The following PTPRG variants were observed in gnomAD, a reference collection of about 807,000 sequenced individuals.
The protein encoded by PTPRG is receptor-type tyrosine-protein phosphatase gamma.
PTPRG carries 102 observed loss-of-function variants against 165.3 expected under a neutral mutation model. The ratio of observed to expected loss-of-function variants is 0.62; its 90% CI spans 0.53 to 0.73. The LOEUF (loss-of-function observed/expected upper bound fraction) is 0.73. Among genes scored for constraint, PTPRG ranks in the 30% least tolerant of loss-of-function variants. The pLI is 0.00. For synonymous variants in PTPRG, 675 were observed against 669.5 expected, an observed-to-expected ratio of 1.01 and a Z score of -0.13; for missense variants, 1,866 against 1,861.4, an observed-to-expected ratio of 1.00 and a Z score of -0.05.
At chr3:61,816,786 T>A (rs2035775803) in intron 2 of PTPRG, among the ~76,000 whole-genome samples, 1 of 151,440 alleles carries the variant, frequency 6.6e-6, no homozygotes, top group Non-Finnish European at 1.5e-5. Flanking sequence ...AAGGAGATAA[T>A]AGAGAAGTGA....
intron 26 of PTPRG, among the ~76,000 whole-genome samples, chr3:62,278,489 C>T (rs575523159): frequency 1.2e-4 from 19 of 152,090 alleles, no homozygotes; most frequent in African/African-American, 1.9e-4. Flanking sequence ...ACTTAAGTTT[C>T]GGAATTAGCT....
At chr3:61,670,529 C>T (rs189778008) in intron 1 of PTPRG, among the ~76,000 whole-genome samples, 53 of 152,270 alleles carry the variant, frequency 3.5e-4, no homozygotes, top group Non-Finnish European at 5.7e-4. Context: ...TTGATCAGCG[C>T]GACATCTTTT....
At chr3:61,629,133 G>T (rs1204298715) in intron 1 of PTPRG, among the ~76,000 whole-genome samples, 2 of 152,134 alleles carry the variant, frequency 1.3e-5, no homozygotes, top group Non-Finnish European at 2.9e-5. Flanking sequence ...GCACCTGCAT[G>T]AACTTCCAGG....
chr3:61,780,978 G>A (rs992492983), intron 2 of PTPRG, among the ~76,000 whole-genome samples: 1 of 152,224 alleles, frequency 6.6e-6, no homozygotes, highest in African/African-American at 2.4e-5. Context: ...AGAGGGAATG[G>A]GGAGGAATTT....
chr3:62,132,780 C>A, intron 6 of PTPRG, 112 bp downstream of exon 6: 2 of 985,660 alleles, frequency 2.0e-6, no homozygotes, highest in East Asian at 2.4e-5. Context: ...TTCCTCATCC[C>A]CTGATGTTGA....
At chr3:62,149,274 T>TTC (rs931949996) in intron 6 of PTPRG, among the ~76,000 whole-genome samples, 1 of 150,564 alleles carries the variant, frequency 6.6e-6, no homozygotes, top group African/African-American at 2.4e-5. Context: ...AGGCCTCTTT[T>TTC]TTTTTTTTTT....
chr3:61,569,157 T>G (rs1420928883), intron 1 of PTPRG, among the ~76,000 whole-genome samples: 1 of 152,182 alleles, frequency 6.6e-6, no homozygotes, highest in African/African-American at 2.4e-5. Flanking sequence ...AAGAAAAATC[T>G]TTTAGGAGCC....
chr3:62,256,364 TAA>T (rs1487413701), intron 16 of PTPRG, among the ~76,000 whole-genome samples: 2 of 152,158 alleles, frequency 1.3e-5, no homozygotes, highest in African/African-American at 4.8e-5. Flanking sequence ...TGTTTTAAAT[TAA>T]GTCTTTCTCT....
chr3:61,738,939 TA>T (rs1352128465), intron 1 of PTPRG, among the ~76,000 whole-genome samples: 1 of 150,860 alleles, frequency 6.6e-6, no homozygotes, highest in Non-Finnish European at 1.5e-5. Flanking sequence ...TTTTCATTTT[TA>T]TTTTTGTAGA....
chr3:61,875,073 C>G (rs1475938068), intron 2 of PTPRG, among the ~76,000 whole-genome samples: 1 of 152,202 alleles, frequency 6.6e-6, no homozygotes, highest in South Asian at 2.1e-4. Context: ...GAGCTCTTAT[C>G]TAAAGAAGGG....
At chr3:61,916,940 C>T (rs1226675627) in intron 2 of PTPRG, among the ~76,000 whole-genome samples, 2 of 152,126 alleles carry the variant, frequency 1.3e-5, no homozygotes, top group African/African-American at 2.4e-5. Flanking sequence ...AATAATAAGT[C>T]GAAATTGATG....
At chr3:61,592,142 T>C (rs1700584736) in intron 1 of PTPRG, among the ~76,000 whole-genome samples, 1 of 151,848 alleles carries the variant, frequency 6.6e-6, no homozygotes, top group Admixed American at 6.6e-5. Flanking sequence ...TAATTTTGTA[T>C]TTTTAGTAGA....
chr3:62,044,942 T>G (rs1430633099), intron 4 of PTPRG, among the ~76,000 whole-genome samples: 1 of 152,174 alleles, frequency 6.6e-6, no homozygotes, highest in Non-Finnish European at 1.5e-5. Context: ...AGACTGAGCA[T>G]AGTAATTATT....
chr3:61,666,345 A>T (rs965652064), intron 1 of PTPRG, among the ~76,000 whole-genome samples: 9 of 152,170 alleles, frequency 5.9e-5, no homozygotes, highest in African/African-American at 2.2e-4. Context: ...CAGACTTTGG[A>T]TATCTTATTT....
intron 4 of PTPRG, among the ~76,000 whole-genome samples, chr3:62,030,268 C>T (rs973655822): frequency 6.6e-6 from 1 of 151,762 alleles, no homozygotes; most frequent in Admixed American, 6.6e-5. Flanking sequence ...ACATTACTCC[C>T]CCTCTCACCC....
chr3:61,843,731 G>A lies in PTPRG; in HGVS notation c.190+94749G>A, dbSNP rs187986423. Among the ~76,000 whole-genome samples, 342 of 151,138 alleles carry A rather than the reference G, an allele frequency of 2.3e-3. 2 individuals carry two copies. Among genetic ancestry groups the A allele is most frequent in the South Asian group, 0.016 (75 of 4,802 alleles). ...TTTCCTTCTTTACAACTCTGAAATC[G>A]TAGCTCAAATCATTTTCTAACAGAG... On this transcript the variant is annotated intron_variant, in intron 2 of 29. Transcript: ENST00000474889.
intron 2 of PTPRG, among the ~76,000 whole-genome samples, chr3:61,962,283 G>A (rs2040169960): frequency 6.6e-6 from 1 of 152,194 alleles, no homozygotes; most frequent in South Asian, 2.1e-4. Flanking sequence ...TAATTTTATT[G>A]CTTGAAGTAT....
intron 1 of PTPRG, among the ~76,000 whole-genome samples, chr3:61,636,386 C>T (rs1164011120): frequency 6.6e-6 from 1 of 152,200 alleles, no homozygotes; most frequent in Non-Finnish European, 1.5e-5. Context: ...ATAAATTCGC[C>T]TATTCTGGAC....
chr3:61,910,393 CA>C (rs2038771007), intron 2 of PTPRG, among the ~76,000 whole-genome samples: 1 of 152,188 alleles, frequency 6.6e-6, no homozygotes, highest in Non-Finnish European at 1.5e-5. Context: ...CAAAGATTCT[CA>C]TTGCCTCGTA....
Sources: allele counts gnomAD v4.1 joint callset (sites outside exome capture counted in the v4.1 genomes callset), GRCh38; gene constraint gnomAD v4.1.1; transcripts MANE v1.5; gene names NCBI Gene and HGNC (gene_info 2026-07-23, HGNC 2026-07-21).